Variants in ABTB3 observed in about 807,000 individuals in gnomAD.
ABTB3 encodes ankyrin repeat- and BTB/POZ domain-containing protein 3.
chr12:107,424,727 G>A, the ABTB3 span, among the ~76,000 whole-genome samples: 1 of 152,132 alleles, frequency 6.6e-6, no homozygotes, highest in South Asian at 2.1e-4. Context: ...CCACCCAGCT[G>A]TTGCTGGAAG....
chr12:107,433,785 G>A, the ABTB3 span, among the ~76,000 whole-genome samples: 3 of 152,166 alleles, frequency 2.0e-5, no homozygotes, highest in African/African-American at 4.8e-5. Context: ...TGTTCTGGCC[G>A]CTATAACAAA....
the ABTB3 span, among the ~76,000 whole-genome samples, chr12:107,478,121 C>T: frequency 4.1e-4 from 62 of 152,334 alleles, no homozygotes; most frequent in Admixed American, 1.4e-3. Flanking sequence ...CCTCAACACA[C>T]AGTTCAGAGA....
chr12:107,652,378 G>A, the ABTB3 span, among the ~76,000 whole-genome samples: 1 of 152,180 alleles, frequency 6.6e-6, no homozygotes, highest in Non-Finnish European at 1.5e-5. Context: ...ATCACCTGGG[G>A]ACTCACTTAA....
chr12:107,466,291 G>T, the ABTB3 span, among the ~76,000 whole-genome samples: 2 of 152,066 alleles, frequency 1.3e-5, no homozygotes, highest in Non-Finnish European at 2.9e-5. Flanking sequence ...GAGGTTAGAA[G>T]AGGGCAGAGG....
the ABTB3 span, among the ~76,000 whole-genome samples, chr12:107,372,857 C>G: frequency 1.3e-5 from 2 of 152,178 alleles, no homozygotes; most frequent in Non-Finnish European, 2.9e-5. Context: ...GTCTCCTGCC[C>G]TGGGAAGTGA....
At chr12:107,334,129 A>G in the ABTB3 span, among the ~76,000 whole-genome samples, 1 of 152,232 alleles carries the variant, frequency 6.6e-6, no homozygotes, top group East Asian at 1.9e-4. Flanking sequence ...GTAGGGCCCC[A>G]TAGGTCATTG....
the ABTB3 span, among the ~76,000 whole-genome samples, chr12:107,376,999 C>A: frequency 6.6e-6 from 1 of 152,110 alleles, no homozygotes; most frequent in African/African-American, 2.4e-5. Context: ...GTGGCTACTA[C>A]CTGGACTGTC....
the ABTB3 span, chr12:107,318,650 G>A: frequency 2.6e-6 from 1 of 391,306 alleles, no homozygotes; most frequent in Non-Finnish European, 4.6e-6. Flanking sequence ...TTTTTATTTT[G>A]GAAGAAAGGG....
chr12:107,342,891 G>C, the ABTB3 span, among the ~76,000 whole-genome samples: 1 of 152,196 alleles, frequency 6.6e-6, no homozygotes, highest in African/African-American at 2.4e-5. Flanking sequence ...CTGTAATACA[G>C]CTTGGGCAAT....
the ABTB3 span, chr12:107,615,157 G>A: frequency 3.1e-6 from 5 of 1,611,158 alleles, no homozygotes; most frequent in South Asian, 4.4e-5. Flanking sequence ...TATTCCTGTA[G>A]TTCAGGTATT....
At chr12:107,389,659 A>G in the ABTB3 span, among the ~76,000 whole-genome samples, 1 of 152,066 alleles carries the variant, frequency 6.6e-6, no homozygotes, top group African/African-American at 2.4e-5. Context: ...TATCCCACAA[A>G]TTCCGAGTGT....
chr12:107,318,990 C>G, the ABTB3 span: 7 of 1,613,746 alleles, frequency 4.3e-6, no homozygotes, highest in Non-Finnish European at 5.9e-6. Flanking sequence ...GAGGATCTGA[C>G]GCTGGACTCG....
chr12:107,438,095 G>A, the ABTB3 span, among the ~76,000 whole-genome samples: 1 of 152,102 alleles, frequency 6.6e-6, no homozygotes, highest in Non-Finnish European at 1.5e-5. Flanking sequence ...CAGAGACCCT[G>A]AGCGGGGCCC....
chr12:107,357,740 G>A, the ABTB3 span, among the ~76,000 whole-genome samples: 601 of 152,304 alleles, frequency 3.9e-3, 3 homozygotes, highest in South Asian at 0.015. Flanking sequence ...CAGAGCGTGC[G>A]TGGCACCACG....
the ABTB3 span, among the ~76,000 whole-genome samples, chr12:107,487,830 A>G: frequency 6.6e-6 from 1 of 152,128 alleles, no homozygotes; most frequent in Non-Finnish European, 1.5e-5. Flanking sequence ...CAAAATACAA[A>G]TGACATTTGA....
At chr12:107,399,583 A>G in the ABTB3 span, among the ~76,000 whole-genome samples, 8 of 152,334 alleles carry the variant, frequency 5.3e-5, no homozygotes, top group African/African-American at 1.9e-4. Flanking sequence ...GAATCACCTG[A>G]CAAAAAATGA....
At chr12:107,628,636 G>C in the ABTB3 span, among the ~76,000 whole-genome samples, 4 of 151,766 alleles carry the variant, frequency 2.6e-5, no homozygotes, top group Admixed American at 2.6e-4. Context: ...CTTAAAATCT[G>C]ACATGAATTT....
the ABTB3 span, among the ~76,000 whole-genome samples, chr12:107,427,544 C>A: frequency 0.028 from 4,320 of 152,284 alleles, 95 homozygotes; most frequent in Middle Eastern, 0.082. Context: ...CGGTGCCTGG[C>A]TCTGTGTCCC....
At chr12:107,358,294 C>T in the ABTB3 span, among the ~76,000 whole-genome samples, 1 of 152,152 alleles carries the variant, frequency 6.6e-6, no homozygotes, top group Non-Finnish European at 1.5e-5. Flanking sequence ...GAGAAAGTGG[C>T]ATGTTAGTAG....
Sources: allele counts gnomAD v4.1 joint callset (sites outside exome capture counted in the v4.1 genomes callset), GRCh38; gene constraint gnomAD v4.1.1; transcripts MANE v1.5; gene names NCBI Gene and HGNC (gene_info 2026-07-23, HGNC 2026-07-21).